Variants in PSPC1 observed in about 807,000 individuals in gnomAD.
PSPC1 encodes the protein paraspeckle protein 1.
Under a neutral mutation model 51.6 loss-of-function variants are expected in PSPC1, and 14 were observed. The ratio of observed to expected loss-of-function variants is 0.27; its 90% CI spans 0.18 to 0.42. The LOEUF is 0.42. PSPC1 is among the 10% of genes least tolerant of loss of function. The pLI is 1.00. For synonymous variants in PSPC1, 193 were observed against 231.9 expected (o/e 0.83, Z 1.53); for missense variants, 406 against 701.1 (o/e 0.58, Z 4.75).
chr13:19,753,967 T>G (rs1383509504), intron 3 of PSPC1, among the ~76,000 whole-genome samples: 1 of 152,092 alleles, frequency 6.6e-6, no homozygotes, highest in Non-Finnish European at 1.5e-5. Flanking sequence ...TGACTATATT[T>G]TTAAATTATT....
chr13:19,776,681 G>A (rs1435820793), intron 1 of PSPC1, among the ~76,000 whole-genome samples: 4 of 151,828 alleles, frequency 2.6e-5, no homozygotes, highest in Admixed American at 6.6e-5. Context: ...CTAATTTTTT[G>A]TATTTTTAGT....
At chr13:19,768,504 C>T (rs1274211540) in intron 2 of PSPC1, among the ~76,000 whole-genome samples, 11 of 150,558 alleles carry the variant, frequency 7.3e-5, no homozygotes, top group Non-Finnish European at 1.6e-4. Flanking sequence ...AAAAATTAGC[C>T]GGACATGGTG....
At chr13:19,724,195 G>C (rs1317240476) in intron 6 of PSPC1, among the ~76,000 whole-genome samples, 1 of 152,150 alleles carries the variant, frequency 6.6e-6, no homozygotes, top group Non-Finnish European at 1.5e-5. Flanking sequence ...ACAGCCATGT[G>C]GAAACCACAA....
rs755636596 is a variant in PSPC1 at position 19,782,803 on chromosome 13, GAC to G, written c.-48_-47del. On this transcript the variant is annotated 5_prime_UTR_variant, in exon 1 of 9. Transcript: ENST00000338910. The surrounding 1 kb of genome is among the most constrained non-coding windows in gnomAD (Gnocchi z 4.5). ...CACCGGATACAGGCCTAGATTTATAGACAGTGTGTCTATATATATGTATACGT... is the reference window on the plus strand; with the variant it reads ...CACCGGATACAGGCCTAGATTTATAGAGTGTGTCTATATATATGTATACGT... 1 of 1,488,110 alleles carries G rather than the reference GAC, an allele frequency of 6.7e-7. No individual in the cohort carries two copies. The highest frequency in any genetic ancestry group is 8.8e-7 in the Non-Finnish European group (1 of 1,136,436). The allele number at this position is 1,488,110 out of a possible 1,614,324, so 92.2% of individuals were successfully genotyped here.
chr13:19,690,567 C>A (rs368793840), intron 6 of PSPC1, among the ~76,000 whole-genome samples: 1 of 152,198 alleles, frequency 6.6e-6, no homozygotes, highest in African/African-American at 2.4e-5. Context: ...CTCAGGTAGG[C>A]GTTTTAAACT....
chr13:19,736,608 G>A (rs1239956821), intron 5 of PSPC1, among the ~76,000 whole-genome samples: 2 of 152,092 alleles, frequency 1.3e-5, no homozygotes, highest in East Asian at 1.9e-4. Context: ...GCATGAACCT[G>A]GGAGGCAGAG....
downstream of PSPC1, chr13:19,672,375 C>T (rs187690379): frequency 3.3e-5 from 5 of 153,540 alleles, no homozygotes; most frequent in East Asian, 7.7e-4. Context: ...AACTCCTGAC[C>T]TCAGGTGATC....
At chr13:19,755,960 G>A (rs538002607) in intron 3 of PSPC1, among the ~76,000 whole-genome samples, 26 of 152,268 alleles carry the variant, frequency 1.7e-4, no homozygotes, top group Admixed American at 1.5e-3. Flanking sequence ...AAGTGGGCCG[G>A]GCGCAGTGGC....
chr13:19,685,471 C>T (rs890007452), intron 6 of PSPC1, among the ~76,000 whole-genome samples: 1 of 152,172 alleles, frequency 6.6e-6, no homozygotes, highest in Admixed American at 6.5e-5. Context: ...ACTAATTCAA[C>T]AAAAGCACAG....
At chr13:19,688,119 C>T (rs1039054281) in intron 6 of PSPC1, among the ~76,000 whole-genome samples, 2 of 151,974 alleles carry the variant, frequency 1.3e-5, no homozygotes, top group African/African-American at 2.4e-5. Flanking sequence ...TCTGAATGGT[C>T]GTCTAATGCT....
At chr13:19,759,492 T>C in intron 2 of PSPC1, 74 bp from the exon 3 acceptor site, 1 of 1,025,318 alleles carries the variant, frequency 9.8e-7, no homozygotes, top group South Asian at 1.5e-5. Flanking sequence ...AGAAATGTTT[T>C]ATAATAATAA....
chr13:19,713,545 C>CA (rs61024238), intron 6 of PSPC1, among the ~76,000 whole-genome samples: 11,317 of 87,180 alleles, frequency 0.13, 1,929 homozygotes, highest in African/African-American at 0.35. Flanking sequence ...CCCAGACAGC[C>CA]AAAAAAAAAA....
Position 19,741,572 on chromosome 13 carries a change from G to T in PSPC1, c.1045C>A (p.Gln349Lys). The T allele has an allele frequency of 6.3e-7, 1 of 1,583,448 alleles. No individual in the cohort carries two copies. The highest frequency in any genetic ancestry group is 8.6e-7 in the Non-Finnish European group (1 of 1,156,420). Residue 349 changes from glutamine (Q) to lysine (K), a missense_variant, in exon 5 of 9, where the codon CAA becomes AAA. By Grantham distance (53) the Gln-to-Lys change is moderately conservative (BLOSUM62 1). Around this residue, in one of 5 missense-constraint regions of PSPC1, gnomAD observed 180 missense variants for 337.9 expected, o/e 0.53. Transcript: ENST00000338910. ...AAAATGATCTTCTTTTACCTTAGTTGTATTTGCTTCCGTTTTTGCAACTCT... is the reference window on the plus strand; with the variant it reads ...AAAATGATCTTCTTTTACCTTAGTTTTATTTGCTTCCGTTTTTGCAACTCT... The part of the protein sequence containing the change: ...NQELQKRKQI[Q>K]LRHEEEHRRR...
At chr13:19,741,695 A>T in intron 4 of PSPC1, 46 bp from the exon 5 acceptor site, 1 of 1,255,306 alleles carries the variant, frequency 8.0e-7, no homozygotes, top group South Asian at 1.3e-5. Flanking sequence ...TTCCCTTTCC[A>T]TATTTTTATA....
At chr13:19,713,667 A>G (rs1264420436) in intron 6 of PSPC1, among the ~76,000 whole-genome samples, 1 of 151,892 alleles carries the variant, frequency 6.6e-6, no homozygotes, top group Middle Eastern at 3.2e-3. Flanking sequence ...ATACATATGT[A>G]TTCCTGAAAG....
At chr13:19,676,635 G>A in intron 7 of PSPC1, among the ~76,000 whole-genome samples, 1 of 152,142 alleles carries the variant, frequency 6.6e-6, no homozygotes, top group East Asian at 1.9e-4. Context: ...TGTCCTGTGT[G>A]GGAGACACTT....
intron 3 of PSPC1, among the ~76,000 whole-genome samples, chr13:19,758,755 A>C (rs1220723231): frequency 6.6e-6 from 1 of 151,820 alleles, no homozygotes; most frequent in African/African-American, 2.4e-5. Context: ...GAATTGCTTG[A>C]ACCTGGGAGG....
At chr13:19,769,415 C>A (rs1188883192) in intron 2 of PSPC1, among the ~76,000 whole-genome samples, 1 of 152,130 alleles carries the variant, frequency 6.6e-6, no homozygotes, top group Non-Finnish European at 1.5e-5. Flanking sequence ...ATTAGCCGGG[C>A]GTGGCGGCAT....
At chr13:19,760,588 C>G (rs1887524218) in intron 2 of PSPC1, among the ~76,000 whole-genome samples, 1 of 151,654 alleles carries the variant, frequency 6.6e-6, no homozygotes, top group East Asian at 1.9e-4. Context: ...CGAAGTGGCT[C>G]AAACCTGTAA....
Sources: gnomAD v4.1 joint callset for allele counts (sites outside exome capture counted in the v4.1 genomes callset) on GRCh38, gnomAD v4.1.1 for gene constraint, gnomAD v4.1.1 regional missense constraint, Gnocchi (gnomAD v3.1) non-coding constraint, MANE v1.5 for transcripts, NCBI Gene and HGNC (gene_info 2026-07-23, HGNC 2026-07-21) for gene names.